Variants in CALCA observed in about 807,000 individuals in gnomAD.
CALCA encodes the protein calcitonin related polypeptide alpha.
In CALCA, 4 loss-of-function variants were observed where a neutral mutation model predicts 6.9. The observed-to-expected ratio is 0.58, with a 90% CI of 0.29 to 1.33. The LOEUF is 1.33. Among genes scored for constraint, CALCA ranks in the 40% most tolerant of loss-of-function variants. CALCA has a pLI of 0.09. For synonymous variants in CALCA, 78 were observed against 70.0 expected (o/e 1.11, Z -0.57); for missense variants, 174 against 178.3 (o/e 0.98, Z 0.14).
rs145837941 is a variant in CALCA at position 14,969,965 on chromosome 11, A to G, written c.197T>C (p.Leu66Pro). The G allele has an allele frequency of 0.018, 29,460 of 1,613,646 alleles. 331 individuals are homozygous for G. The highest frequency in any genetic ancestry group is 0.021 in the Non-Finnish European group (25,304 of 1,180,028). Reference sequence around the variant, plus strand: ...GCCCTCTCTCTCTTGCTCCTGCTCCAGCTCACTGGCCTTCATCTGCACATA... The same window carrying G: ...GCCCTCTCTCTCTTGCTCCTGCTCCGGCTCACTGGCCTTCATCTGCACATA... ...QDYVQMKASE[L>P]EQEQEREGSS... The change falls in exon 3 of 4, where the codon CTG becomes CCG. Residue 66 changes from leucine to proline, a missense_variant. By Grantham distance (98) the Leu-to-Pro change is moderately conservative. Transcript: ENST00000331587.
At chr11:14,971,256 C>A in intron 1 of CALCA, 55 bp from the exon 2 acceptor site, 1 of 1,106,034 alleles carries the variant, frequency 9.0e-7, no homozygotes, top group Non-Finnish European at 1.4e-6. Context: ...TCTAGGAGCC[C>A]ACAGACCTTG....
In CALCA at chr11:14,968,877, A is replaced by G. The variant is rs1277089526; in HGVS notation, c.348T>C (p.Pro116=). Residue 116 remains proline (P), a synonymous_variant, in exon 4 of 4, where the codon CCT becomes CCC. Coordinates refer to ENST00000331587, the MANE Select transcript of CALCA (RefSeq NM_001741.3). ...FPQTAIGVGA[P]GKKRDMSSDL... The stretch of plus-strand genomic sequence containing the variant: ...CGCTGGACATATCCCTTTTCTTTCC[A>G]GGTGCTCCAACCCCAATTGCAGTTT... 2 of 1,614,080 alleles carry G rather than the reference A, an allele frequency of 1.2e-6. No homozygotes were observed. The highest frequency in any genetic ancestry group is 1.7e-6 in the Non-Finnish European group (2 of 1,180,054).
At chr11:14,970,445 A>G (rs565193206) in intron 2 of CALCA, among the ~76,000 whole-genome samples, 2 of 152,238 alleles carry the variant, frequency 1.3e-5, no homozygotes, top group African/African-American at 2.4e-5. Flanking sequence ...CAGGTAAAAT[A>G]CCAGATTTAA....
At chr11:14,970,149 TCCTGGTCTTTGCTTCTTCC>T in intron 2 of CALCA, 74 bp from the exon 3 acceptor site, 1 of 1,583,982 alleles carries the variant, frequency 6.3e-7, no homozygotes, top group East Asian at 2.3e-5. Context: ...CAGCCAGGCT[TCCTGGTCTTTGCTTCTTCC>T]CCTGAGGATG....
chr11:14,969,644 TC>T (rs1386492955), intron 3 of CALCA, among the ~76,000 whole-genome samples: 1 of 152,134 alleles, frequency 6.6e-6, no homozygotes, highest in African/African-American at 2.4e-5. Context: ...CTGGGAGGTC[TC>T]CCAGTACTGC....
At chr11:14,971,492 T>G (rs1849604790) in intron 1 of CALCA, among the ~76,000 whole-genome samples, 1 of 152,030 alleles carries the variant, frequency 6.6e-6, no homozygotes, top group South Asian at 2.1e-4. Flanking sequence ...GCCACACAGA[T>G]ACATATAAAC....
downstream of CALCA, chr11:14,967,055 C>T (rs1167228424): frequency 1.3e-5 from 2 of 152,984 alleles, no homozygotes; most frequent in African/African-American, 4.8e-5. Context: ...GCCTTTCCTA[C>T]AAATTGCTTT....
chr11:14,972,057 G>A lies in CALCA; in HGVS notation c.-10+188C>T, dbSNP rs967351929. 7.9e-5 allele frequency among the ~76,000 whole-genome samples: 12 copies of A among 152,334 alleles called. No individual in the cohort carries two copies. In the South Asian group the frequency reaches 2.3e-3, roughly 29 times the overall value. On this transcript the variant is annotated intron_variant, in intron 1 of 3. Coordinates refer to ENST00000331587, the MANE Select transcript of CALCA (RefSeq NM_001741.3). ...GAGTCCGCAGCCGAGCAGGAAGAGCGAGCCGGGGGATTGAGACTGTCCGAT... is the reference window on the plus strand; with the variant it reads ...GAGTCCGCAGCCGAGCAGGAAGAGCAAGCCGGGGGATTGAGACTGTCCGAT...
In CALCA at chr11:14,968,974, C is replaced by T. The variant is rs371492762; in HGVS notation, c.251G>A (p.Arg84Gln). The T allele has an allele frequency of 4.3e-6, 7 of 1,613,502 alleles. No homozygotes were observed. The highest frequency in any genetic ancestry group is 4.2e-6 in the Non-Finnish European group (5 of 1,180,022). ...CATGCAAGTACTCAGATTACCGCAC[C>T]GCTTAGATCTGGGGCTGTCCAGGCT... The part of the protein sequence containing the change: ...GSSLDSPRSK[R>Q]CGNLSTCMLG... The change falls in exon 4 of 4, where the codon CGG (arginine) becomes CAG (glutamine). Residue 84 changes from arginine to glutamine, a missense_variant. Coordinates refer to ENST00000331587, the MANE Select transcript of CALCA (RefSeq NM_001741.3).
At chr11:14,971,394 G>A (rs1267762263) in intron 1 of CALCA, among the ~76,000 whole-genome samples, 193 bp from the exon 2 acceptor site, 6 of 152,158 alleles carry the variant, frequency 3.9e-5, no homozygotes, top group South Asian at 2.1e-4. Flanking sequence ...CAGTGGGCCT[G>A]TAGCATGCAC....
At position 14,968,759 on chromosome 11, in the gene CALCA, A is replaced by G. The variant is rs782559786; in HGVS notation, c.*40T>C. 6.2e-7 allele frequency: 1 copy of G among 1,613,932 alleles called. No individual in the cohort carries two copies. Among genetic ancestry groups the G allele is most frequent in the Non-Finnish European group, 8.5e-7 (1 of 1,179,904 alleles). Reference sequence around the variant, plus strand: ...CAAACCACATGCATCAAGTTATAGGAAGGATGCAAGAAGGGAAATTAGGAA... The same window carrying G: ...CAAACCACATGCATCAAGTTATAGGGAGGATGCAAGAAGGGAAATTAGGAA... On this transcript the variant is annotated 3_prime_UTR_variant, in exon 4 of 4. Transcript: ENST00000331587.
At chr11:14,970,609 T>C (rs1555026290) in intron 2 of CALCA, among the ~76,000 whole-genome samples, 1 of 152,138 alleles carries the variant, frequency 6.6e-6, no homozygotes, top group African/African-American at 2.4e-5. Context: ...CTATATAAAA[T>C]TTATAATAGG....
chr11:14,967,690 G>C, downstream of CALCA: 1 of 1,613,962 alleles, frequency 6.2e-7, no homozygotes, highest in Non-Finnish European at 8.5e-7. Flanking sequence ...GAGTCATTCA[G>C]CTGCTCAGGC....
downstream of CALCA, chr11:14,967,672 A>G (rs1555025605): frequency 6.2e-7 from 1 of 1,613,634 alleles, no homozygotes; most frequent in Non-Finnish European, 8.5e-7. Context: ...AAGGGCAGTC[A>G]CCTTCTTGAG....
chr11:14,968,426 T>C, downstream of CALCA: 1 of 1,190,354 alleles, frequency 8.4e-7, no homozygotes, highest in Non-Finnish European at 1.1e-6. Flanking sequence ...GGGTTAAGGC[T>C]ATTTCTAAGC....
Position 14,968,971 on chromosome 11 carries a change from C to T in CALCA, c.254G>A (p.Cys85Tyr), listed in dbSNP as rs1235662486. Residue 85 changes from cysteine to tyrosine, a missense_variant, in exon 4 of 4, where the codon TGC becomes TAC. Transcript: ENST00000331587. ...SSLDSPRSKR[C>Y]GNLSTCMLGT... ...CAGCATGCAAGTACTCAGATTACCG[C>T]ACCGCTTAGATCTGGGGCTGTCCAG... 6.2e-7 allele frequency: 1 copy of T among 1,613,554 alleles called. No homozygotes were observed. The highest frequency in any genetic ancestry group is 1.3e-5 in the African/African-American group (1 of 74,864).
chr11:14,966,833 A>G (rs1182729856), downstream of CALCA: 1 of 152,634 alleles, frequency 6.6e-6, no homozygotes, highest in African/African-American at 2.4e-5. Flanking sequence ...AGAGCCACCA[A>G]TGTCAATAGG....
At chr11:14,967,568 T>C (rs1849484683), downstream of CALCA, 3 of 1,347,712 alleles carry the variant, frequency 2.2e-6, no homozygotes, top group Non-Finnish European at 3.1e-6. Flanking sequence ...TACCTTCCCT[T>C]ATGGATTTTT....
In CALCA at chr11:14,968,656, CTCCCATCT is replaced by C; in HGVS notation, c.*135_*142del. On this transcript the variant is annotated 3_prime_UTR_variant, in exon 4 of 4. Transcript: ENST00000331587. ...CAACCTGTGAGTCCTGCTCTCTTTC[CTCCCATCT>C]GAAGTTTGAGACATCCTCTGCCACA... The C allele has an allele frequency of 6.2e-7, 1 of 1,600,416 alleles. No individual in the cohort carries two copies. The highest frequency in any genetic ancestry group is 2.0e-4 in the Middle Eastern group (1 of 5,070).
Sources: allele counts gnomAD v4.1 joint callset (sites outside exome capture counted in the v4.1 genomes callset), GRCh38; gene constraint gnomAD v4.1.1; transcripts MANE v1.5; gene names NCBI Gene and HGNC (gene_info 2026-07-23, HGNC 2026-07-21).